Variants in LRRC4C observed in about 807,000 individuals in gnomAD.
LRRC4C encodes leucine-rich repeat-containing protein 4C.
In LRRC4C, 5 loss-of-function variants were observed where a neutral mutation model predicts 33.6. The ratio of observed to expected loss-of-function variants is 0.15; its 90% CI spans 0.08 to 0.31. The LOEUF (loss-of-function observed/expected upper bound fraction) is 0.31, where lower values mean the gene tolerates loss of function less well. LRRC4C is among the 10% of genes least tolerant of loss of function. The pLI, the probability that LRRC4C is intolerant of heterozygous loss-of-function variation, is 1.00. For missense variants in LRRC4C, 560 were observed against 796.7 expected (o/e 0.70, Z 3.58); for synonymous variants, 329 against 302.0 (o/e 1.09, Z -0.93).
intron 3 of LRRC4C, among the ~76,000 whole-genome samples, chr11:40,505,623 C>G (rs1025687729): frequency 2.6e-5 from 4 of 152,132 alleles, no homozygotes; most frequent in Non-Finnish European, 4.4e-5. Context: ...AAATTCCACT[C>G]AATGGTTGAC....
chr11:40,360,816 A>G (rs1242575647), intron 3 of LRRC4C, among the ~76,000 whole-genome samples: 1 of 152,228 alleles, frequency 6.6e-6, no homozygotes, highest in Non-Finnish European at 1.5e-5. Context: ...GTTGAGGCCA[A>G]TATCTTTGAT....
rs942772866 is a variant in LRRC4C at position 40,886,796 on chromosome 11, C to G, written c.-407+46839G>C. Among the ~76,000 whole-genome samples the G allele has an allele frequency of 2.6e-5, 4 of 151,690 alleles. No individual in the cohort carries two copies. In the East Asian group the frequency reaches 7.8e-4, roughly 29 times the overall value. Reference sequence around the variant, plus strand: ...AGTCTACATAAATTAGCCTTGTTTGCTCATGCACTTTAGTATCCCTCTCTC... The same window carrying G: ...AGTCTACATAAATTAGCCTTGTTTGGTCATGCACTTTAGTATCCCTCTCTC... On this transcript the variant is annotated intron_variant, in intron 2 of 6. Coordinates refer to ENST00000528697, the MANE Select transcript of LRRC4C (RefSeq NM_001258419.2).
chr11:41,380,388 C>G (rs1256632298), intron 1 of LRRC4C, among the ~76,000 whole-genome samples: 3 of 151,994 alleles, frequency 2.0e-5, no homozygotes, highest in Non-Finnish European at 4.4e-5. Context: ...ATTTTGTATT[C>G]TTGTGTACAC....
At chr11:40,349,768 A>G (rs985418936) in intron 3 of LRRC4C, among the ~76,000 whole-genome samples, 1 of 152,146 alleles carries the variant, frequency 6.6e-6, no homozygotes, top group Non-Finnish European at 1.5e-5. Flanking sequence ...AGTCCTTTTA[A>G]CTGGAATGAG....
At chr11:40,365,432 T>A (rs1415619882) in intron 3 of LRRC4C, among the ~76,000 whole-genome samples, 2 of 152,104 alleles carry the variant, frequency 1.3e-5, no homozygotes, top group Non-Finnish European at 2.9e-5. Context: ...ATTACTCATA[T>A]GTAAAAGAAA....
At chr11:40,748,361 C>T (rs1948529639) in intron 2 of LRRC4C, among the ~76,000 whole-genome samples, 1 of 152,062 alleles carries the variant, frequency 6.6e-6, no homozygotes, top group African/African-American at 2.4e-5. Context: ...TAAGCAAAAG[C>T]TTAGGGAATT....
At chr11:41,105,301 T>C (rs935078753) in intron 1 of LRRC4C, among the ~76,000 whole-genome samples, 1 of 152,038 alleles carries the variant, frequency 6.6e-6, no homozygotes, top group African/African-American at 2.4e-5. Flanking sequence ...CTGAATGCAG[T>C]CTAAGCATCA....
chr11:41,370,574 C>G (rs547319544), intron 1 of LRRC4C, among the ~76,000 whole-genome samples: 1 of 152,098 alleles, frequency 6.6e-6, no homozygotes, highest in Non-Finnish European at 1.5e-5. Flanking sequence ...ATGTAAGAAG[C>G]GCCTTTCTCC....
chr11:41,293,817 G>A (rs990087602), intron 1 of LRRC4C, among the ~76,000 whole-genome samples: 14 of 152,040 alleles, frequency 9.2e-5, no homozygotes, highest in African/African-American at 1.9e-4. Context: ...GGCTTGTCTC[G>A]AACTCTTGAC....
At chr11:40,190,997 C>G (rs1382100054) in intron 5 of LRRC4C, among the ~76,000 whole-genome samples, 3 of 152,142 alleles carry the variant, frequency 2.0e-5, no homozygotes, top group Non-Finnish European at 4.4e-5. Flanking sequence ...GTTTTTTGAT[C>G]TAGTCAGGGA....
chr11:40,862,217 G>C (rs1346524621), intron 2 of LRRC4C, among the ~76,000 whole-genome samples: 2 of 152,160 alleles, frequency 1.3e-5, no homozygotes, highest in Admixed American at 1.3e-4. Flanking sequence ...ATATTACTAA[G>C]TTAGCCTTAG....
chr11:40,194,013 A>C (rs984750561), intron 5 of LRRC4C, among the ~76,000 whole-genome samples: 2 of 152,196 alleles, frequency 1.3e-5, no homozygotes, highest in African/African-American at 4.8e-5. Flanking sequence ...GGAGAATGGA[A>C]CCAAGTTGGA....
At chr11:40,964,884 C>T (rs1277276111) in intron 1 of LRRC4C, among the ~76,000 whole-genome samples, 1 of 151,884 alleles carries the variant, frequency 6.6e-6, no homozygotes, top group South Asian at 2.1e-4. Flanking sequence ...GGGTATATAC[C>T]CAGTAATAGG....
At chr11:40,121,065 A>G (rs1004551755) in intron 6 of LRRC4C, among the ~76,000 whole-genome samples, 3 of 152,148 alleles carry the variant, frequency 2.0e-5, no homozygotes, top group Non-Finnish European at 4.4e-5. Context: ...GTGATGAGAC[A>G]CTCAGTTTCT....
At chr11:40,286,914 T>C (rs1943881381) in intron 4 of LRRC4C, among the ~76,000 whole-genome samples, 1 of 152,150 alleles carries the variant, frequency 6.6e-6, no homozygotes, top group Non-Finnish European at 1.5e-5. Flanking sequence ...ATATCTGCCA[T>C]TTTAACACAA....
intron 1 of LRRC4C, among the ~76,000 whole-genome samples, chr11:40,981,100 T>A (rs929054598): frequency 2.0e-5 from 3 of 152,054 alleles, no homozygotes; most frequent in Admixed American, 2.0e-4. Flanking sequence ...ATTCAAACCA[T>A]CTGAAATATA....
intron 1 of LRRC4C, among the ~76,000 whole-genome samples, chr11:41,276,075 T>C (rs1949474349): frequency 6.6e-6 from 1 of 152,196 alleles, no homozygotes; most frequent in African/African-American, 2.4e-5. Flanking sequence ...AGAGAAGCTG[T>C]AAGCCTAAAA....
chr11:40,451,080 C>A (rs1185862217), intron 3 of LRRC4C, among the ~76,000 whole-genome samples: 1 of 151,294 alleles, frequency 6.6e-6, no homozygotes. Context: ...TTATACAAAT[C>A]TTTAAATCAG....
chr11:41,256,862 G>A (rs904263765), intron 1 of LRRC4C, among the ~76,000 whole-genome samples: 12 of 151,962 alleles, frequency 7.9e-5, no homozygotes, highest in African/African-American at 2.9e-4. Flanking sequence ...TGGTCATGTG[G>A]CTACTTAGTG....
Sources: allele counts gnomAD v4.1 joint callset (sites outside exome capture counted in the v4.1 genomes callset), GRCh38; gene constraint gnomAD v4.1.1; transcripts MANE v1.5; gene names NCBI Gene and HGNC (gene_info 2026-07-23, HGNC 2026-07-21).